The following DYM variants were observed in gnomAD, a reference collection of about 807,000 sequenced individuals.
DYM encodes the protein dymeclin.
Under a neutral mutation model 93.1 loss-of-function variants are expected in DYM, and 78 were observed. The observed-to-expected ratio is 0.84, with a 90% CI of 0.70 to 1.01. The LOEUF is 1.01. Among genes scored for constraint, DYM ranks in the 50% least tolerant of loss-of-function variants. The pLI, the probability that DYM is intolerant of heterozygous loss-of-function variation, is 0.00. For missense variants in DYM, 789 were observed against 845.0 expected (o/e 0.93, Z 0.82); for synonymous variants, 321 against 319.7 (o/e 1.00, Z -0.04).
At chr18:49,154,664 G>A (rs188032537) in intron 15 of DYM, among the ~76,000 whole-genome samples, 7 of 152,102 alleles carry the variant, frequency 4.6e-5, no homozygotes, top group Admixed American at 3.9e-4. Context: ...CAAAATGCTG[G>A]GATTACAGGT....
chr18:49,098,771 T>C (rs1390683515), intron 16 of DYM, among the ~76,000 whole-genome samples: 1 of 152,246 alleles, frequency 6.6e-6, no homozygotes, highest in Non-Finnish European at 1.5e-5. Context: ...ATTAATATTT[T>C]GTTCACAGAG....
chr18:49,053,876 T>C (rs1599383137), intron 17 of DYM, among the ~76,000 whole-genome samples: 2 of 152,174 alleles, frequency 1.3e-5, no homozygotes, highest in African/African-American at 4.8e-5. Flanking sequence ...AGGAATAACT[T>C]CTGCTCCTTG....
At chr18:49,420,165 G>GTTT (rs58141815) in intron 2 of DYM, among the ~76,000 whole-genome samples, 6 of 109,006 alleles carry the variant, frequency 5.5e-5, no homozygotes, top group African/African-American at 9.5e-5. Context: ...GTTAAAATTC[G>GTTT]TTTTTTTTTT....
intron 13 of DYM, among the ~76,000 whole-genome samples, chr18:49,236,995 T>G (rs1265772961): frequency 6.6e-6 from 1 of 152,170 alleles, no homozygotes; most frequent in African/African-American, 2.4e-5. Context: ...CCTACCCTCT[T>G]GAAGAGAGAA....
chr18:49,264,431 G>A (rs1274510539), intron 11 of DYM, among the ~76,000 whole-genome samples: 1 of 152,070 alleles, frequency 6.6e-6, no homozygotes, highest in Non-Finnish European at 1.5e-5. Context: ...ACCAGCATAT[G>A]AGAGTCCTTT....
chr18:49,110,501 A>C (rs1329659466), intron 16 of DYM, among the ~76,000 whole-genome samples: 1 of 150,156 alleles, frequency 6.7e-6, no homozygotes, highest in Non-Finnish European at 1.5e-5. Context: ...TTTTTTTTTC[A>C]TTTTAGCCTT....
At chr18:49,318,524 A>C (rs1011801711) in intron 8 of DYM, among the ~76,000 whole-genome samples, 1 of 152,172 alleles carries the variant, frequency 6.6e-6, no homozygotes, top group African/African-American at 2.4e-5. Flanking sequence ...TGGGAGGCTG[A>C]GGCAGGAGAA....
At chr18:49,294,344 T>G (rs1047741214) in intron 8 of DYM, among the ~76,000 whole-genome samples, 1 of 152,204 alleles carries the variant, frequency 6.6e-6, no homozygotes, top group East Asian at 1.9e-4. Flanking sequence ...TTTTTCTAAT[T>G]CTGTGAAGAA....
intron 17 of DYM, among the ~76,000 whole-genome samples, chr18:49,085,002 C>A (rs951665083): frequency 2.5e-4 from 38 of 152,150 alleles, no homozygotes; most frequent in Admixed American, 2.4e-3. Flanking sequence ...TATGGATACT[C>A]ACTTTCTAAC....
At chr18:49,184,501 C>T (rs1372552685) in intron 14 of DYM, among the ~76,000 whole-genome samples, 1 of 152,122 alleles carries the variant, frequency 6.6e-6, no homozygotes, top group Non-Finnish European at 1.5e-5. Context: ...ATACAGTATT[C>T]CCCCCTTATC....
intron 2 of DYM, among the ~76,000 whole-genome samples, chr18:49,422,689 G>A (rs1437923477): frequency 1.3e-5 from 2 of 152,108 alleles, no homozygotes; most frequent in Non-Finnish European, 2.9e-5. Flanking sequence ...TCAAAATAAA[G>A]GGATGGAGGA....
chr18:49,427,587 T>TTA (rs1555742121), intron 2 of DYM, among the ~76,000 whole-genome samples: 4 of 150,878 alleles, frequency 2.7e-5, no homozygotes, highest in African/African-American at 9.7e-5. Flanking sequence ...TATGGTTATG[T>TTA]AAAAAAAAAG....
chr18:49,430,533 A>G lies in DYM; in HGVS notation c.-53-86T>C, dbSNP rs1053849098. ...TATAAAAAAACTATAAACTTACTAA[A>G]GAAAATCACACATTTCTGTATTTAT... On this transcript the variant is annotated intron_variant, in intron 1 of 17. Coordinates refer to ENST00000675505, the MANE Select transcript of DYM (RefSeq NM_001353214.3). 3.0e-6 allele frequency: 3 copies of G among 990,036 alleles called. No individual in the cohort carries two copies. In the African/African-American group the frequency reaches 4.9e-5, roughly 16 times the overall value. 61.3% of individuals were successfully genotyped at this position (990,036 alleles called of 1,614,324 possible).
At chr18:49,114,636 T>C (rs1442542671) in intron 16 of DYM, 2 of 931,536 alleles carry the variant, frequency 2.1e-6, no homozygotes, top group South Asian at 5.0e-5. Flanking sequence ...AAAATTAATA[T>C]GGTCTTTCAG....
intron 14 of DYM, among the ~76,000 whole-genome samples, chr18:49,169,878 C>T (rs928806748): frequency 6.6e-6 from 1 of 152,128 alleles, no homozygotes; most frequent in African/African-American, 2.4e-5. Context: ...TAGGAAACGT[C>T]CATATTATCC....
intron 14 of DYM, among the ~76,000 whole-genome samples, chr18:49,202,211 C>A (rs1341721157): frequency 6.6e-6 from 1 of 152,240 alleles, no homozygotes; most frequent in East Asian, 1.9e-4. Context: ...CCCTTTCACT[C>A]TTCTACTATC....
rs549709361 is a variant in DYM at position 49,073,073 on chromosome 18, G to C, written c.2025+24329C>G. Among the ~76,000 whole-genome samples the C allele has an allele frequency of 2.6e-5, 4 of 152,166 alleles. 1 individual carries two copies. In the South Asian group the frequency reaches 8.3e-4, roughly 32 times the overall value. The stretch of plus-strand genomic sequence containing the variant: ...GTAATGTATAAAAATGAACACATAC[G>C]TGGATAAATAAGAGTAAAACATAGT... On this transcript the variant is annotated intron_variant, in intron 17 of 17. Transcript: ENST00000675505.
chr18:49,358,562 A>G (rs2065761421), intron 6 of DYM, among the ~76,000 whole-genome samples: 1 of 152,220 alleles, frequency 6.6e-6, no homozygotes, highest in African/African-American at 2.4e-5. Flanking sequence ...GAAAAAAACT[A>G]CAAAAAGTTT....
chr18:49,122,535 G>C (rs1341857811), intron 15 of DYM, among the ~76,000 whole-genome samples: 2 of 152,158 alleles, frequency 1.3e-5, no homozygotes, highest in Non-Finnish European at 2.9e-5. Context: ...GCTAATGCTG[G>C]GGAGCAGCTG....
Sources: gnomAD v4.1 joint callset for allele counts (sites outside exome capture counted in the v4.1 genomes callset) on GRCh38, gnomAD v4.1.1 for gene constraint, MANE v1.5 for transcripts, NCBI Gene and HGNC (gene_info 2026-07-23, HGNC 2026-07-21) for gene names.